The following ZNF804B variants were observed in gnomAD, a reference collection of about 807,000 sequenced individuals.
ZNF804B encodes zinc finger protein 804B.
In ZNF804B, 80 loss-of-function variants were observed where a neutral mutation model predicts 101.4. The observed-to-expected ratio is 0.79, with a 90% CI of 0.66 to 0.95. The LOEUF (loss-of-function observed/expected upper bound fraction) is 0.95, where lower values mean the gene tolerates loss of function less well. Ranked by LOEUF, ZNF804B falls within the 40% of genes least tolerant of loss-of-function variation. ZNF804B has a pLI of 0.00. For synonymous variants in ZNF804B, 622 were observed against 558.8 expected (o/e 1.11, Z -1.59); for missense variants, 1,673 against 1,561.9 (o/e 1.07, Z -1.20).
intron 2 of ZNF804B, among the ~76,000 whole-genome samples, chr7:89,289,045 T>G (rs890534610): frequency 6.6e-6 from 1 of 152,212 alleles, no homozygotes; most frequent in African/African-American, 2.4e-5. Context: ...GTGCATACTT[T>G]AATCTCTAGT....
chr7:88,764,574 A>G (rs1586893060), intron 1 of ZNF804B, among the ~76,000 whole-genome samples: 1 of 152,176 alleles, frequency 6.6e-6, no homozygotes, highest in African/African-American at 2.4e-5. Context: ...ACAAATGTAT[A>G]TCTATAAATG....
In ZNF804B at chr7:88,863,046, G is replaced by A. The variant is rs567198493; in HGVS notation, c.108+102962G>A. On this transcript the variant is annotated intron_variant, in intron 1 of 3. Transcript: ENST00000333190. ...ATAAAAGCCTATAACATGTCTACAA[G>A]GCCCTGCAGTGGTCTAATCCACGCC... is the stretch of plus-strand genomic sequence containing the variant. Among the ~76,000 whole-genome samples, 4 of 152,140 alleles carry A rather than the reference G, an allele frequency of 2.6e-5. No homozygotes were observed. The East Asian group carries it at 7.7e-4, about 29-fold the overall frequency.
At chr7:89,092,357 A>G (rs761637303) in intron 1 of ZNF804B, among the ~76,000 whole-genome samples, 3 of 147,278 alleles carry the variant, frequency 2.0e-5, no homozygotes, top group Non-Finnish European at 3.0e-5. Context: ...CATCGTGGAC[A>G]CTTACGTTAT....
rs866784734 is a variant in ZNF804B at position 89,318,408 on chromosome 7, G to A, written c.250-8936G>A. ...CAAAAAGACAAAAAGGAGAAAAGAT[G>A]TACCTTTTTACTGGAATAGTATTTA... is the stretch of plus-strand genomic sequence containing the variant. On this transcript the variant is annotated intron_variant, in intron 2 of 3. Transcript: ENST00000333190. Among the ~76,000 whole-genome samples the A allele has an allele frequency of 6.2e-4, 95 of 152,114 alleles. 1 individual carries two copies. The highest frequency in any genetic ancestry group is 2.1e-4 in the South Asian group (1 of 4,832).
intron 2 of ZNF804B, among the ~76,000 whole-genome samples, chr7:89,282,341 A>C (rs902406823): frequency 1.3e-5 from 2 of 152,158 alleles, no homozygotes; most frequent in Non-Finnish European, 2.9e-5. Flanking sequence ...TGCAAATATC[A>C]TCAACACAGA....
intron 1 of ZNF804B, among the ~76,000 whole-genome samples, chr7:89,035,928 T>C (rs2040528): frequency 0.29 from 42,354 of 143,764 alleles, 6,543 homozygotes; most frequent in East Asian, 0.52. Flanking sequence ...TATAATATAT[T>C]AATATATTAT....
At chr7:89,062,611 G>A (rs1372019507) in intron 1 of ZNF804B, among the ~76,000 whole-genome samples, 1 of 152,072 alleles carries the variant, frequency 6.6e-6, no homozygotes, top group Non-Finnish European at 1.5e-5. Flanking sequence ...CTGCTATACA[G>A]TAGGTGTTCA....
intron 1 of ZNF804B, among the ~76,000 whole-genome samples, chr7:88,854,954 A>G (rs1791532708): frequency 6.6e-6 from 1 of 151,748 alleles, no homozygotes; most frequent in African/African-American, 2.4e-5. Context: ...TTATGGCTGC[A>G]TAGTATTCCA....
At chr7:89,328,126 CTAAT>C (rs1790925314) in intron 3 of ZNF804B, among the ~76,000 whole-genome samples, 1 of 151,908 alleles carries the variant, frequency 6.6e-6, no homozygotes, top group African/African-American at 2.4e-5. Flanking sequence ...ACTAATGTAG[CTAAT>C]TAATGTGTTT....
At chr7:89,167,040 A>C (rs1791154463) in intron 1 of ZNF804B, among the ~76,000 whole-genome samples, 1 of 152,196 alleles carries the variant, frequency 6.6e-6, no homozygotes, top group Admixed American at 6.6e-5. Context: ...ATGATAAAAT[A>C]GACTAATTTT....
intron 1 of ZNF804B, among the ~76,000 whole-genome samples, chr7:89,017,704 G>A (rs1255211897): frequency 6.6e-6 from 1 of 151,984 alleles, no homozygotes; most frequent in Non-Finnish European, 1.5e-5. Flanking sequence ...TTTCATCAGT[G>A]TTGTATCATT....
intron 1 of ZNF804B, among the ~76,000 whole-genome samples, chr7:88,769,831 G>C (rs867269521): frequency 6.6e-6 from 1 of 152,126 alleles, no homozygotes; most frequent in African/African-American, 2.4e-5. Flanking sequence ...TTTCAGCAAG[G>C]TTTTGTTAGC....
chr7:88,838,788 G>C (rs1562807881), intron 1 of ZNF804B, among the ~76,000 whole-genome samples: 1 of 151,842 alleles, frequency 6.6e-6, no homozygotes, highest in East Asian at 1.9e-4. Flanking sequence ...ACTTTTGTGA[G>C]TTCCTTGAAC....
At chr7:88,762,588 T>G (rs1160898697) in intron 1 of ZNF804B, among the ~76,000 whole-genome samples, 1 of 152,214 alleles carries the variant, frequency 6.6e-6, no homozygotes, top group Non-Finnish European at 1.5e-5. Context: ...ATTCCCCAGT[T>G]ATTTTCAGGT....
chr7:89,193,096 G>A lies in ZNF804B; in HGVS notation c.109-25059G>A, dbSNP rs533394511. 2.6e-5 allele frequency among the ~76,000 whole-genome samples: 4 copies of A among 152,182 alleles called. No homozygotes were observed. The South Asian group carries it at 6.2e-4, about 24-fold the overall frequency. ...ACCTTGAAAACTGGCAAAAGACAGG[G>A]ATGCCCTCTTTCACCACTCCTATTC... On this transcript the variant is annotated intron_variant, in intron 1 of 3. Coordinates refer to ENST00000333190, the MANE Select transcript of ZNF804B (RefSeq NM_181646.5).
intron 1 of ZNF804B, among the ~76,000 whole-genome samples, chr7:89,096,343 T>G (rs1789972271): frequency 6.6e-6 from 1 of 151,832 alleles, no homozygotes; most frequent in African/African-American, 2.4e-5. Context: ...TGAGAGAAAG[T>G]TTAATAGGTA....
intron 1 of ZNF804B, among the ~76,000 whole-genome samples, chr7:88,994,228 G>A (rs925777889): frequency 1.3e-5 from 2 of 151,806 alleles, no homozygotes; most frequent in African/African-American, 4.8e-5. Context: ...CTTGCCTAAT[G>A]CTTTCAGTTC....
At chr7:89,247,621 G>A (rs1789470933) in intron 2 of ZNF804B, among the ~76,000 whole-genome samples, 1 of 151,946 alleles carries the variant, frequency 6.6e-6, no homozygotes, top group Non-Finnish European at 1.5e-5. Flanking sequence ...TCTACCCACA[G>A]GAATATAATT....
chr7:88,953,045 T>A (rs1451800591), intron 1 of ZNF804B, among the ~76,000 whole-genome samples: 1 of 151,760 alleles, frequency 6.6e-6, no homozygotes, highest in Non-Finnish European at 1.5e-5. Flanking sequence ...AGACCAACTC[T>A]TACCTGGTGT....
Sources: gnomAD v4.1 joint callset for allele counts (sites outside exome capture counted in the v4.1 genomes callset) on GRCh38, gnomAD v4.1.1 for gene constraint, MANE v1.5 for transcripts, NCBI Gene and HGNC (gene_info 2026-07-23, HGNC 2026-07-21) for gene names.